YJU2: variants seen among roughly 807,000 people sequenced by gnomAD.
The protein encoded by YJU2 is YJU2 splicing factor homolog, also known as splicing factor YJU2.
A neutral mutation model predicts 39.6 loss-of-function variants in YJU2; 28 were observed. The ratio of observed to expected loss-of-function variants is 0.71; its 90% CI spans 0.52 to 0.97. YJU2 has a LOEUF of 0.97. Ranked by LOEUF, YJU2 falls within the 50% of genes least tolerant of loss-of-function variation. The probability of loss-of-function intolerance (pLI) is 0.00; values close to 1 mark genes in which losing one functional copy is unlikely to be tolerated. For missense variants in YJU2, 328 were observed against 430.4 expected, an observed-to-expected ratio of 0.76 and a Z score of 2.11; for synonymous variants, 184 against 182.4, an observed-to-expected ratio of 1.01 and a Z score of -0.07.
intron 5 of YJU2, 94 bp downstream of exon 5, chr19:4,258,517 T>C: frequency 2.0e-6 from 3 of 1,467,236 alleles, no homozygotes; most frequent in Non-Finnish European, 2.7e-6. Context: ...CTCTCTGGAG[T>C]GTCGCCTTTG....
chr19:4,262,023 G>C lies in YJU2; in HGVS notation c.617G>C (p.Arg206Thr). The C allele has an allele frequency of 1.2e-6, 2 of 1,613,376 alleles. No individual in the cohort carries two copies. Among genetic ancestry groups the C allele is most frequent in the Non-Finnish European group, 8.5e-7 (1 of 1,179,936 alleles). ...CTGTTGGAGGAAGCCAGAAAGCGAA[G>C]ACTGCTGGAGGACTCCGACTCAGAG... is the stretch of plus-strand genomic sequence containing the variant. ...AALLEEARKR[R>T]LLEDSDSEDE... Residue 206 changes from arginine to threonine, a missense_variant, in exon 6 of 8, where the codon AGA becomes ACA. Physicochemically the swap from Arg to Thr is moderately conservative, Grantham distance 71. Coordinates refer to ENST00000262962, the MANE Select transcript of YJU2 (RefSeq NM_018074.6).
chr19:4,262,215 T>C (rs1350967280), intron 6 of YJU2, 101 bp downstream of exon 6: 1 of 1,322,796 alleles, frequency 7.6e-7, no homozygotes, highest in Non-Finnish European at 1.0e-6. Flanking sequence ...TTTTTGTTTT[T>C]TGAGACGGAG....
chr19:4,256,585 C>G (rs1015684070), intron 4 of YJU2, among the ~76,000 whole-genome samples: 1 of 152,176 alleles, frequency 6.6e-6, no homozygotes, highest in Non-Finnish European at 1.5e-5. Flanking sequence ...CTGAAAACAA[C>G]AAACATTTAT....
At chr19:4,256,908 G>A (rs896922387) in intron 4 of YJU2, among the ~76,000 whole-genome samples, 3 of 152,168 alleles carry the variant, frequency 2.0e-5, no homozygotes, top group Non-Finnish European at 4.4e-5. Flanking sequence ...CAGAAGTTAC[G>A]TGCCATTATT....
intron 4 of YJU2, among the ~76,000 whole-genome samples, chr19:4,256,448 G>T (rs1348806429): frequency 6.6e-6 from 1 of 152,038 alleles, no homozygotes; most frequent in African/African-American, 2.4e-5. Context: ...AGGGTTTGGT[G>T]TGTGCCTGGG....
intron 6 of YJU2, among the ~76,000 whole-genome samples, chr19:4,264,591 A>C: frequency 6.6e-6 from 1 of 151,010 alleles, no homozygotes; most frequent in East Asian, 2.0e-4. Flanking sequence ...GGTTCAAGCG[A>C]TTCTACTGCC....
chr19:4,261,312 G>A (rs895470051), intron 5 of YJU2, among the ~76,000 whole-genome samples: 1 of 152,040 alleles, frequency 6.6e-6, no homozygotes, highest in African/African-American at 2.4e-5. Flanking sequence ...CCAAGATGGC[G>A]AAACCCCGCC....
At chr19:4,257,145 A>G (rs4807557) in intron 4 of YJU2, among the ~76,000 whole-genome samples, 61,266 of 151,816 alleles carry the variant, frequency 0.4, 14,234 homozygotes, top group African/African-American at 0.64. Context: ...CTTCTCAGGG[A>G]CCCGTGGCCA....
chr19:4,250,681 G>A (rs1970968855), intron 2 of YJU2, among the ~76,000 whole-genome samples: 1 of 152,028 alleles, frequency 6.6e-6, no homozygotes, highest in African/African-American at 2.4e-5. Flanking sequence ...GGGAAGAGGG[G>A]GGTGGGGCAG....
intron 5 of YJU2, among the ~76,000 whole-genome samples, chr19:4,259,402 C>T (rs969432938): frequency 4.0e-5 from 6 of 151,798 alleles, no homozygotes; most frequent in South Asian, 2.1e-4. Context: ...TTCTTTGAGA[C>T]GGGGTTTTGC....
At chr19:4,249,999 A>T (rs1425568046) in intron 2 of YJU2, among the ~76,000 whole-genome samples, 2 of 151,824 alleles carry the variant, frequency 1.3e-5, no homozygotes, top group Non-Finnish European at 2.9e-5. Flanking sequence ...GAGCTGCCGC[A>T]CCTGGCCTTC....
chr19:4,256,182 ATATATATATAT>A (rs1194064513), intron 4 of YJU2, among the ~76,000 whole-genome samples: 9 of 97,348 alleles, frequency 9.2e-5, no homozygotes, highest in Middle Eastern at 4.3e-3. Flanking sequence ...AAAAAAAAAA[ATATATATATAT>A]ATATATATAT....
intron 4 of YJU2, among the ~76,000 whole-genome samples, chr19:4,257,941 G>T (rs776367845): frequency 6.6e-6 from 1 of 152,202 alleles, no homozygotes. Context: ...GATGGCACCA[G>T]GCCAGAAATC....
chr19:4,258,593 G>C (rs1271367468), intron 5 of YJU2, among the ~76,000 whole-genome samples, 170 bp downstream of exon 5: 2 of 152,248 alleles, frequency 1.3e-5, no homozygotes, highest in African/African-American at 4.8e-5. Context: ...GGGGTCCCAG[G>C]CCACTGCCGG....
At position 4,254,220 on chromosome 19, in the gene YJU2, C is replaced by A. The variant is rs916853681; in HGVS notation, c.271-135C>A. The A allele has an allele frequency of 1.6e-5, 12 of 734,960 alleles. No homozygotes were observed. In the African/African-American group the frequency reaches 1.8e-4, roughly 11 times the overall value. The allele number at this position is 734,960 out of a possible 1,614,324, so 45.5% of individuals were successfully genotyped here. Reference sequence around the variant, plus strand: ...TAGGAAGAAATCTCACCAGTCAAAGCAATAAGACAAGAAAAAGAGAAGGTA... The same window carrying A: ...TAGGAAGAAATCTCACCAGTCAAAGAAATAAGACAAGAAAAAGAGAAGGTA... On this transcript the variant is annotated intron_variant, in intron 3 of 7. Transcript: ENST00000262962.
rs1970925756 is a variant in YJU2, at chr19:4,247,232, G to T, written c.24+62G>T. ...AGGACATCCCGGAACTCCGGGAGAG[G>T]GAGGAGCTTCCTGAGATCTCTTCTT... On this transcript the variant is annotated intron_variant, in intron 1 of 7. Coordinates refer to ENST00000262962, the MANE Select transcript of YJU2 (RefSeq NM_018074.6). The T allele has an allele frequency of 3.4e-6, 5 of 1,455,028 alleles. No individual in the cohort carries two copies. In the South Asian group the frequency reaches 4.7e-5, roughly 14 times the overall value. The allele number at this position is 1,455,028 out of a possible 1,614,324, so 90.1% of individuals were successfully genotyped here. A position where few individuals can be genotyped will look rare whatever the true frequency, so the allele number is the denominator to read the frequency against.
intron 3 of YJU2, among the ~76,000 whole-genome samples, chr19:4,252,185 G>C (rs1278894121): frequency 7.3e-6 from 1 of 136,874 alleles, no homozygotes; most frequent in Non-Finnish European, 1.5e-5. Flanking sequence ...TTTTGGGCTG[G>C]GCGCAGTGGC....
At chr19:4,254,009 C>T (rs1970998767) in intron 3 of YJU2, among the ~76,000 whole-genome samples, 1 of 152,092 alleles carries the variant, frequency 6.6e-6, no homozygotes, top group Non-Finnish European at 1.5e-5. Context: ...AGGGTTTCTC[C>T]ATGTTGGCCA....
In YJU2 at chr19:4,251,187, G is replaced by T; in HGVS notation, c.270+16G>T. Reference sequence around the variant, plus strand: ...CACCTTCAAGGTAGGTGAGACGGCCGGCCAGGCCGGTCCCTCTCCCCCAGC... The same window carrying T: ...CACCTTCAAGGTAGGTGAGACGGCCTGCCAGGCCGGTCCCTCTCCCCCAGC... On this transcript the variant is annotated intron_variant, in intron 3 of 7. Coordinates refer to ENST00000262962, the MANE Select transcript of YJU2 (RefSeq NM_018074.6). The T allele has an allele frequency of 6.2e-7, 1 of 1,610,546 alleles. No individual in the cohort carries two copies. The highest frequency in any genetic ancestry group is 8.5e-7 in the Non-Finnish European group (1 of 1,178,166).
Sources: gnomAD v4.1 joint callset for allele counts (sites outside exome capture counted in the v4.1 genomes callset) on GRCh38, gnomAD v4.1.1 for gene constraint, MANE v1.5 for transcripts, NCBI Gene and HGNC (gene_info 2026-07-23, HGNC 2026-07-21) for gene names.